SPTAN1: variants seen among roughly 807,000 people sequenced by gnomAD.
SPTAN1 encodes the protein spectrin alpha chain, non-erythrocytic 1.
In SPTAN1, 61 loss-of-function variants were observed where a neutral mutation model predicts 331.3. The observed-to-expected ratio is 0.18, with a 90% CI of 0.15 to 0.23. The LOEUF (loss-of-function observed/expected upper bound fraction) is 0.23. SPTAN1 is among the 10% of genes least tolerant of loss of function. The probability of loss-of-function intolerance (pLI) is 1.00; values close to 1 mark genes in which losing one functional copy is unlikely to be tolerated. For missense variants in SPTAN1, 2,043 were observed against 3,147.9 expected (o/e 0.65, Z 8.40); for synonymous variants, 1,153 against 1,173.9 (o/e 0.98, Z 0.36).
rs887212879 is a variant in SPTAN1 at position 128,615,592 on chromosome 9, G to A, written c.5149-40G>A. 4.4e-6 allele frequency: 7 copies of A among 1,606,844 alleles called. No individual in the cohort carries two copies. In the African/African-American group the frequency reaches 8.0e-5, roughly 18 times the overall value. The stretch of plus-strand genomic sequence containing the variant: ...TCTTATGTTCAAGCAGATAGCTGTG[G>A]GAGACCCAGTTTCTGACCCTCTTAT... On this transcript the variant is annotated intron_variant, in intron 40 of 56. Transcript: ENST00000372739.
intron 45 of SPTAN1, among the ~76,000 whole-genome samples, chr9:128,622,293 C>CTTTTTTT (rs35122170): frequency 2.6e-4 from 24 of 91,512 alleles, no homozygotes; most frequent in African/African-American, 7.1e-4. Context: ...GAGCCAGCTG[C>CTTTTTTT]TTTTTTTTTT....
chr9:128,563,934 G>A lies in SPTAN1; in HGVS notation c.-3-2804G>A, dbSNP rs538752394. Among the ~76,000 whole-genome samples, 43 of 151,904 alleles carry A rather than the reference G, an allele frequency of 2.8e-4. 1 individual carries two copies. The highest frequency in any genetic ancestry group is 9.9e-4 in the African/African-American group (41 of 41,390). On this transcript the variant is annotated intron_variant, in intron 1 of 56. Transcript: ENST00000372739. ...ATTGCAGATGTGAGCCATGGCGCCC[G>A]GCCTATTCAACCAACATTTCTTGAT...
chr9:128,600,153 T>C, intron 27 of SPTAN1, 38 bp downstream of exon 27: 1 of 1,607,314 alleles, frequency 6.2e-7, no homozygotes, highest in Non-Finnish European at 8.5e-7. Context: ...TTCAAGAGTT[T>C]TGCGAGATCA....
Position 128,600,229 on chromosome 9 carries a change from G to A in SPTAN1, c.3579+114G>A, listed in dbSNP as rs117664291. On this transcript the variant is annotated intron_variant, in intron 27 of 56. Transcript: ENST00000372739. ...CAGCTTAAGTCTTTAGTCATTTCTGGACTTGTTTGGGCTGGTTTCTTTCTG... is the reference window on the plus strand; with the variant it reads ...CAGCTTAAGTCTTTAGTCATTTCTGAACTTGTTTGGGCTGGTTTCTTTCTG... 0.013 allele frequency: 15,194 copies of A among 1,181,758 alleles called. 151 individuals carry two copies. The highest frequency in any genetic ancestry group is 0.016 in the Non-Finnish European group (12,853 of 793,728). 73.2% of individuals were successfully genotyped at this position (1,181,758 alleles called of 1,614,324 possible).
intron 55 of SPTAN1, 25 bp downstream of exon 55, chr9:128,632,743 G>A (rs1173199795): frequency 6.2e-7 from 1 of 1,614,066 alleles, no homozygotes; most frequent in South Asian, 1.1e-5. Context: ...GCCAGGTGCT[G>A]TGAGCCTCTG....
intron 40 of SPTAN1, among the ~76,000 whole-genome samples, chr9:128,614,892 A>G (rs77139835): frequency 0.018 from 2,717 of 152,338 alleles, 55 homozygotes; most frequent in Non-Finnish European, 0.025. Context: ...TTACCTGTGC[A>G]TGATTTTGCA....
At chr9:128,590,679 G>C (rs182887964) in intron 21 of SPTAN1, among the ~76,000 whole-genome samples, 2 of 151,502 alleles carry the variant, frequency 1.3e-5, no homozygotes, top group Non-Finnish European at 2.9e-5. Context: ...GTGAAACCCC[G>C]TCTCTACTAA....
At chr9:128,593,418 CT>C (rs922578533) in intron 23 of SPTAN1, 2 of 236,670 alleles carry the variant, frequency 8.5e-6, no homozygotes, top group East Asian at 1.9e-4. Context: ...TAACTCATTG[CT>C]TTTTTATTTT....
intron 1 of SPTAN1, among the ~76,000 whole-genome samples, chr9:128,565,402 A>G (rs755597469): frequency 6.6e-6 from 1 of 152,262 alleles, no homozygotes; most frequent in Non-Finnish European, 1.5e-5. Flanking sequence ...AAACAATAAT[A>G]CAACAAAAAT....
chr9:128,595,534 G>T (rs1364845087), intron 24 of SPTAN1, among the ~76,000 whole-genome samples: 2 of 152,150 alleles, frequency 1.3e-5, no homozygotes, highest in African/African-American at 2.4e-5. Context: ...TACAATAGAT[G>T]TGAAAGTACT....
intron 1 of SPTAN1, among the ~76,000 whole-genome samples, chr9:128,558,470 T>C (rs1011788043): frequency 3.3e-5 from 5 of 152,252 alleles, no homozygotes; most frequent in African/African-American, 1.2e-4. Flanking sequence ...ACAGACTTGA[T>C]TGGCAAAATC....
At chr9:128,618,565 G>A (rs1857463144) in intron 43 of SPTAN1, among the ~76,000 whole-genome samples, 1 of 151,954 alleles carries the variant, frequency 6.6e-6, no homozygotes, top group Non-Finnish European at 1.5e-5. Flanking sequence ...CTCACTGCAA[G>A]CTCTGCCTCC....
At chr9:128,556,773 A>G (rs758588166) in intron 1 of SPTAN1, among the ~76,000 whole-genome samples, 1 of 152,206 alleles carries the variant, frequency 6.6e-6, no homozygotes, top group Admixed American at 6.5e-5. Flanking sequence ...GTTTTTATTT[A>G]TGGTGTTCAG....
intron 1 of SPTAN1, among the ~76,000 whole-genome samples, chr9:128,565,539 G>A (rs1849924179): frequency 6.6e-6 from 1 of 152,188 alleles, no homozygotes; most frequent in Non-Finnish European, 1.5e-5. Context: ...CACAGACAGT[G>A]CCTTCCTACC....
Position 128,591,569 on chromosome 9 carries a change from G to T in SPTAN1, c.3099G>T (p.Glu1033Asp), listed in dbSNP as rs374682395. 7.4e-5 allele frequency: 119 copies of T among 1,614,108 alleles called. No individual in the cohort carries two copies. The highest frequency in any genetic ancestry group is 9.8e-5 in the Non-Finnish European group (116 of 1,180,060). ...KLDPAQSASR[E>D]NLLEEQGSIA... is the part of the protein sequence containing the mutation. ...ACCCCGCCCAGTCAGCCTCCCGGGA[G>T]AATCTCCTGGAGGAGCAAGGCAGCA... The change falls in exon 22 of 57, where the codon GAG (glutamate) becomes GAT (aspartate). Residue 1033 changes from glutamate (E) to aspartate (D), a missense_variant. Physicochemically the swap from Glu to Asp is conservative, Grantham distance 45 (BLOSUM62 2). This residue lies in a region of SPTAN1 where 1,038 missense variants were observed against 1,531.5 expected (regional missense o/e 0.68). Coordinates refer to ENST00000372739, the MANE Select transcript of SPTAN1 (RefSeq NM_001130438.3).
intron 3 of SPTAN1, among the ~76,000 whole-genome samples, chr9:128,569,504 G>A (rs1388400928): frequency 1.3e-5 from 2 of 151,070 alleles, no homozygotes; most frequent in African/African-American, 2.4e-5. Flanking sequence ...TCTCTGCTTC[G>A]TTTCACATAT....
intron 31 of SPTAN1, among the ~76,000 whole-genome samples, chr9:128,606,374 C>CAAAAAAAAA (rs59257779): frequency 0.011 from 642 of 57,624 alleles, 12 homozygotes; most frequent in Middle Eastern, 0.042. Context: ...GACTCTGCCT[C>CAAAAAAAAA]AAAAAAAAAA....
At chr9:128,617,434 C>T (rs570126068) in intron 41 of SPTAN1, among the ~76,000 whole-genome samples, 2 of 152,286 alleles carry the variant, frequency 1.3e-5, no homozygotes, top group East Asian at 3.9e-4. Flanking sequence ...TCCGGACACA[C>T]AGCAGGGCTC....
intron 20 of SPTAN1, 52 bp from the exon 21 acceptor site, chr9:128,588,757 G>T: frequency 1.2e-6 from 2 of 1,610,302 alleles, no homozygotes; most frequent in South Asian, 2.2e-5. Context: ...GTACTTAGAT[G>T]ACTCAGCGCG....
Sources: allele counts gnomAD v4.1 joint callset (sites outside exome capture counted in the v4.1 genomes callset), GRCh38; gene constraint gnomAD v4.1.1; regional missense constraint gnomAD v4.1.1; transcripts MANE v1.5; gene names NCBI Gene and HGNC (gene_info 2026-07-23, HGNC 2026-07-21).